The following ADORA2B variants were observed in gnomAD, a reference collection of about 807,000 sequenced individuals.
ADORA2B encodes adenosine receptor A2b.
In ADORA2B, 18 loss-of-function variants were observed where a neutral mutation model predicts 20.8. The observed-to-expected ratio is 0.87, with a 90% CI of 0.60 to 1.29. The LOEUF (loss-of-function observed/expected upper bound fraction) is 1.29. Ranked by LOEUF, ADORA2B falls within the 50% of genes most tolerant of loss-of-function variation. The pLI, the probability that ADORA2B is intolerant of heterozygous loss-of-function variation, is 0.00. For synonymous variants in ADORA2B, 179 were observed against 178.3 expected (o/e 1.00, Z -0.03); for missense variants, 441 against 422.7 (o/e 1.04, Z -0.38).
the ADORA2B span, among the ~76,000 whole-genome samples, chr17:15,874,056 ATATGTG>A: frequency 7.3e-5 from 6 of 82,352 alleles, no homozygotes; most frequent in African/African-American, 1.8e-4. Context: ...ATATATATAT[ATATGTG>A]TGTGTGTATA....
chr17:15,964,920 T>TG (rs1567782328), intron 1 of ADORA2B, among the ~76,000 whole-genome samples: 2 of 151,820 alleles, frequency 1.3e-5, no homozygotes, highest in African/African-American at 2.4e-5. Context: ...AATTAGCCCG[T>TG]GTGGCAGCGG....
chr17:15,944,585 C>T (rs1969773363), upstream of ADORA2B, among the ~76,000 whole-genome samples: 1 of 152,040 alleles, frequency 6.6e-6, no homozygotes, highest in South Asian at 2.1e-4. The surrounding 1 kb of genome is among the most constrained non-coding windows in gnomAD (Gnocchi z 4.8). Flanking sequence ...CTGCAGCCCC[C>T]GAGGGCTCCT....
intron 1 of ADORA2B, among the ~76,000 whole-genome samples, chr17:15,969,903 T>A (rs1348997393): frequency 2.6e-5 from 4 of 152,238 alleles, no homozygotes; most frequent in Non-Finnish European, 5.9e-5. Flanking sequence ...GCCTATGAAC[T>A]GGCCCCTGCC....
Position 15,974,923 on chromosome 17 carries a change from C to T in ADORA2B, c.580C>T (p.Pro194Ser), listed in dbSNP as rs1199088681. ...CAATTTCTTTGGGTGTGTTCTGCCCCCACTGCTTATAATGCTGGTGATCTA... is the reference window on the plus strand; with the variant it reads ...CAATTTCTTTGGGTGTGTTCTGCCCTCACTGCTTATAATGCTGGTGATCTA... ...YFNFFGCVLP[P>S]LLIMLVIYIK... The change falls in exon 2 of 2, where the codon CCA (proline) becomes TCA (serine). Residue 194 changes from proline to serine, a missense_variant. By Grantham distance (74) the Pro-to-Ser change is moderately conservative. Coordinates refer to ENST00000304222, the MANE Select transcript of ADORA2B (RefSeq NM_000676.4). 3.7e-6 allele frequency: 6 copies of T among 1,614,118 alleles called. No homozygotes were observed. In the South Asian group the frequency reaches 6.6e-5, roughly 18 times the overall value.
chr17:15,886,243 G>GTATTTATTTATTTATT, the ADORA2B span, among the ~76,000 whole-genome samples: 1 of 132,940 alleles, frequency 7.5e-6, no homozygotes, highest in South Asian at 2.2e-4. Context: ...GAATCTTGTA[G>GTATTTATTTATTTATT]TGGCTCGCCC....
chr17:15,927,353 C>G, the ADORA2B span, among the ~76,000 whole-genome samples: 1 of 151,934 alleles, frequency 6.6e-6, no homozygotes, highest in Non-Finnish European at 1.5e-5. Flanking sequence ...CATGGTGGCA[C>G]GCGCCTGTAG....
chr17:15,952,779 C>T (rs1379559307), intron 1 of ADORA2B, among the ~76,000 whole-genome samples: 1 of 152,176 alleles, frequency 6.6e-6, no homozygotes, highest in Non-Finnish European at 1.5e-5. Flanking sequence ...GCACCTTCCT[C>T]GGATTGGGGA....
At chr17:15,891,886 C>T in the ADORA2B span, among the ~76,000 whole-genome samples, 3 of 140,796 alleles carry the variant, frequency 2.1e-5, no homozygotes, top group African/African-American at 5.5e-5. Flanking sequence ...CTCCCTCTGT[C>T]GCCTAGGCTG....
At chr17:15,854,677 T>G in the ADORA2B span, among the ~76,000 whole-genome samples, 9 of 152,336 alleles carry the variant, frequency 5.9e-5, no homozygotes, top group African/African-American at 2.2e-4. Flanking sequence ...TACATGGAAT[T>G]GTGTTTAATG....
the ADORA2B span, among the ~76,000 whole-genome samples, chr17:15,868,286 GT>G: frequency 3.0e-5 from 4 of 134,938 alleles, no homozygotes; most frequent in African/African-American, 8.2e-5. Flanking sequence ...TTGTTCACTT[GT>G]TTATCTGTTG....
At chr17:15,862,303 C>T in the ADORA2B span, among the ~76,000 whole-genome samples, 1 of 148,752 alleles carries the variant, frequency 6.7e-6, no homozygotes, top group African/African-American at 2.5e-5. Context: ...GCAACCTCTG[C>T]CTCCTGGGTC....
At position 15,945,155 on chromosome 17, in the gene ADORA2B, C is replaced by A; in HGVS notation, c.-94C>A. The A allele has an allele frequency of 8.9e-7, 1 of 1,128,470 alleles. No homozygotes were observed. The highest frequency in any genetic ancestry group is 3.2e-5 in the East Asian group (1 of 30,904). 69.9% of individuals were successfully genotyped at this position (1,128,470 alleles called of 1,614,324 possible). A position where few individuals can be genotyped will look rare whatever the true frequency, so the allele number is the denominator to read the frequency against. ...AGAAGCGGCAGGCGGAGGCGCGGTC[C>A]GGGCGCTATGGCCATGCCCGGCGGG... On this transcript the variant is annotated 5_prime_UTR_variant, in exon 1 of 2. Coordinates refer to ENST00000304222, the MANE Select transcript of ADORA2B (RefSeq NM_000676.4).
chr17:15,964,933 G>A (rs896013461), intron 1 of ADORA2B, among the ~76,000 whole-genome samples: 14 of 152,028 alleles, frequency 9.2e-5, no homozygotes, highest in South Asian at 4.1e-4. Flanking sequence ...GGCAGCGGGT[G>A]CCTGTAGTCC....
chr17:15,882,319 G>A, the ADORA2B span, among the ~76,000 whole-genome samples: 1 of 152,120 alleles, frequency 6.6e-6, no homozygotes, highest in Non-Finnish European at 1.5e-5. Flanking sequence ...CAGGCTAAGG[G>A]CCCACATTGT....
intron 1 of ADORA2B, among the ~76,000 whole-genome samples, chr17:15,958,583 T>C (rs1969999151): frequency 6.6e-6 from 1 of 152,206 alleles, no homozygotes; most frequent in African/African-American, 2.4e-5. Context: ...CTAGGTCTGC[T>C]TCTGGCCTCA....
At chr17:15,888,855 T>TTA in the ADORA2B span, among the ~76,000 whole-genome samples, 1 of 42,766 alleles carries the variant, frequency 2.3e-5, no homozygotes, top group Non-Finnish European at 4.1e-5. Context: ...TATATATTTT[T>TTA]TTTTTTTTTT....
chr17:15,857,176 C>T, the ADORA2B span, among the ~76,000 whole-genome samples: 1 of 152,198 alleles, frequency 6.6e-6, no homozygotes, highest in South Asian at 2.1e-4. Flanking sequence ...GTGCAAGCCC[C>T]AAGTCTTGGT....
At chr17:15,928,237 A>T in the ADORA2B span, among the ~76,000 whole-genome samples, 2 of 151,888 alleles carry the variant, frequency 1.3e-5, no homozygotes, top group African/African-American at 4.8e-5. Flanking sequence ...GGGTGTCAGG[A>T]GTGGGGACCG....
intron 1 of ADORA2B, among the ~76,000 whole-genome samples, chr17:15,964,870 G>C (rs11867938): frequency 3.9e-5 from 6 of 151,930 alleles, no homozygotes; most frequent in African/African-American, 1.2e-4. Flanking sequence ...GACCATCCTG[G>C]CTAACACGGT....
Sources: allele counts gnomAD v4.1 joint callset (sites outside exome capture counted in the v4.1 genomes callset), GRCh38; gene constraint gnomAD v4.1.1; non-coding constraint Gnocchi (gnomAD v3.1); transcripts MANE v1.5; gene names NCBI Gene and HGNC (gene_info 2026-07-23, HGNC 2026-07-21).